Variants in RFX3 observed in about 807,000 individuals in gnomAD.
The protein encoded by RFX3 is transcription factor RFX3.
RFX3 carries 14 observed loss-of-function variants against 98.6 expected under a neutral mutation model. That is an observed-to-expected ratio of 0.14 (90% CI 0.09 to 0.22). The LOEUF is 0.22. Ranked by LOEUF, RFX3 falls within the 10% of genes least tolerant of loss-of-function variation. The pLI is 1.00. For synonymous variants in RFX3, 383 were observed against 328.4 expected (o/e 1.17, Z -1.80); for missense variants, 639 against 926.9 (o/e 0.69, Z 4.03).
intron 15 of RFX3, among the ~76,000 whole-genome samples, chr9:3,243,343 C>T (rs1444208374): frequency 1.0e-5 from 1 of 100,420 alleles, no homozygotes; most frequent in Non-Finnish European, 2.2e-5. Flanking sequence ...AAAAAAAAAA[C>T]TCTAGAATTG....
At chr9:3,463,872 G>A (rs1265058709) in intron 1 of RFX3, among the ~76,000 whole-genome samples, 2 of 152,078 alleles carry the variant, frequency 1.3e-5, no homozygotes, top group Non-Finnish European at 2.9e-5. Context: ...TCCTCAGAGG[G>A]TGAGGTGGGA....
chr9:3,430,911 T>C (rs1844599112), intron 1 of RFX3, among the ~76,000 whole-genome samples: 2 of 152,178 alleles, frequency 1.3e-5, no homozygotes, highest in African/African-American at 4.8e-5. Context: ...TTTACTACCA[T>C]AAAATATATA....
intron 1 of RFX3, among the ~76,000 whole-genome samples, chr9:3,474,538 A>G (rs1203296433): frequency 6.6e-6 from 1 of 152,214 alleles, no homozygotes; most frequent in Non-Finnish European, 1.5e-5. Flanking sequence ...AATATCAATG[A>G]CGCTTTTAAA....
At chr9:3,388,614 C>A (rs1839963259) in intron 2 of RFX3, among the ~76,000 whole-genome samples, 1 of 151,990 alleles carries the variant, frequency 6.6e-6, no homozygotes, top group African/African-American at 2.4e-5. Context: ...AATGTTCTTT[C>A]CTGAATATAG....
chr9:3,331,369 T>G (rs1045795866), intron 3 of RFX3, among the ~76,000 whole-genome samples: 1 of 152,206 alleles, frequency 6.6e-6, no homozygotes, highest in Non-Finnish European at 1.5e-5. Context: ...TTCAATTGAC[T>G]ATAACTTCAA....
intron 13 of RFX3, among the ~76,000 whole-genome samples, chr9:3,259,659 T>C (rs17658724): frequency 0.11 from 16,592 of 151,572 alleles, 906 homozygotes; most frequent in Middle Eastern, 0.2. Flanking sequence ...AAAACCACCA[T>C]TTACACAAAA....
At chr9:3,288,308 C>G (rs1156267065) in intron 6 of RFX3, 58 bp from the exon 7 acceptor site, 1 of 1,520,244 alleles carries the variant, frequency 6.6e-7, no homozygotes, top group East Asian at 2.3e-5. Context: ...ATATTAATCA[C>G]ATGGGATGTC....
At chr9:3,482,206 A>T (rs1849827555) in intron 1 of RFX3, among the ~76,000 whole-genome samples, 1 of 151,746 alleles carries the variant, frequency 6.6e-6, no homozygotes, top group Admixed American at 6.6e-5. Context: ...CCATTAAAAG[A>T]TGTTCAAAAT....
chr9:3,355,603 G>A (rs1835656504), intron 2 of RFX3, among the ~76,000 whole-genome samples: 1 of 151,824 alleles, frequency 6.6e-6, no homozygotes. Flanking sequence ...TACAATTGGA[G>A]ACTTCAGCAT....
intron 1 of RFX3, among the ~76,000 whole-genome samples, chr9:3,413,500 T>C (rs1418734162): frequency 6.6e-6 from 1 of 152,104 alleles, no homozygotes; most frequent in Admixed American, 6.6e-5. Context: ...CCTTTAGTAT[T>C]TAGATTATGC....
rs1022381969 is a variant in RFX3, at chr9:3,244,007, A to T, written c.1968+4025T>A. ...CTTCTTCTTTTTTTCTATTTTTATT[A>T]TTTTTTTTTTTTGAGATGGAGTCCC... On this transcript the variant is annotated intron_variant, in intron 15 of 16. Transcript: ENST00000617270. 3.4e-5 allele frequency among the ~76,000 whole-genome samples: 5 copies of T among 145,666 alleles called. No individual in the cohort carries two copies. In the East Asian group the frequency reaches 6.0e-4, roughly 17 times the overall value.
intron 1 of RFX3, among the ~76,000 whole-genome samples, chr9:3,448,516 T>C (rs1184764463): frequency 6.6e-6 from 1 of 152,106 alleles, no homozygotes; most frequent in East Asian, 1.9e-4. Context: ...TTCTTTTTCT[T>C]CTTTAAAAAA....
rs369640183 is a variant in RFX3 at position 3,224,848 on chromosome 9, G to T, written c.*194C>A. ...AAGGGAAAAAATTCATTATTAAGAA[G>T]CAAATAATTTGTTTACGTTAAAAAA... On this transcript the variant is annotated 3_prime_UTR_variant, in exon 17 of 17. Coordinates refer to ENST00000617270, the MANE Select transcript of RFX3 (RefSeq NM_001282116.2). 41 of 485,298 alleles carry T rather than the reference G, an allele frequency of 8.4e-5. No individual in the cohort carries two copies. The highest frequency in any genetic ancestry group is 7.0e-4 in the African/African-American group (36 of 51,438). The allele number at this position is 485,298 out of a possible 1,614,324, so 30.1% of individuals were successfully genotyped here. A position where few individuals can be genotyped will look rare whatever the true frequency, so the allele number is the denominator to read the frequency against.
chr9:3,442,882 A>T (rs936547132), intron 1 of RFX3, among the ~76,000 whole-genome samples: 2 of 152,206 alleles, frequency 1.3e-5, no homozygotes, highest in African/African-American at 4.8e-5. Context: ...TAAAATTAAT[A>T]AATTAGACTT....
In RFX3 at chr9:3,227,832, A is replaced by G. The variant is rs372343931; in HGVS notation, c.2011+1015T>C. Among the ~76,000 whole-genome samples the G allele has an allele frequency of 3.7e-4, 57 of 152,058 alleles. 2 individuals carry two copies. Among genetic ancestry groups the G allele is most frequent in the East Asian group, 3.3e-3 (17 of 5,182 alleles). Reference sequence around the variant, plus strand: ...TGTAGCAACAATTTTTTTGGCTATAATTTTCTCATTTCCCTGCGCTGCTAG... The same window carrying G: ...TGTAGCAACAATTTTTTTGGCTATAGTTTTCTCATTTCCCTGCGCTGCTAG... On this transcript the variant is annotated intron_variant, in intron 16 of 16. Coordinates refer to ENST00000617270, the MANE Select transcript of RFX3 (RefSeq NM_001282116.2).
At chr9:3,328,786 A>G (rs1273092086) in intron 4 of RFX3, among the ~76,000 whole-genome samples, 1 of 152,206 alleles carries the variant, frequency 6.6e-6, no homozygotes, top group Non-Finnish European at 1.5e-5. Context: ...TATCCTGGAG[A>G]AAATCCATAA....
intron 1 of RFX3, among the ~76,000 whole-genome samples, chr9:3,402,746 C>T (rs1399460446): frequency 6.6e-6 from 1 of 151,628 alleles, no homozygotes; most frequent in Non-Finnish European, 1.5e-5. Context: ...ATAATAGTAG[C>T]ATATATAGTG....
At chr9:3,474,388 G>A (rs534606568) in intron 1 of RFX3, among the ~76,000 whole-genome samples, 11 of 152,200 alleles carry the variant, frequency 7.2e-5, no homozygotes, top group African/African-American at 2.4e-4. Context: ...CATCAGAAAA[G>A]ATCCCTTGTC....
chr9:3,453,419 G>A (rs895069001), intron 1 of RFX3: 2 of 151,926 alleles, frequency 1.3e-5, no homozygotes, highest in African/African-American at 2.4e-5. Flanking sequence ...GAATAATTCT[G>A]TCTCGGCACA....
Sources: gnomAD v4.1 joint callset for allele counts (sites outside exome capture counted in the v4.1 genomes callset) on GRCh38, gnomAD v4.1.1 for gene constraint, MANE v1.5 for transcripts, NCBI Gene and HGNC (gene_info 2026-07-23, HGNC 2026-07-21) for gene names.